The following SERGEF variants were observed in gnomAD, a reference collection of about 807,000 sequenced individuals.
SERGEF encodes secretion regulating guanine nucleotide exchange factor, also known as secretion-regulating guanine nucleotide exchange factor.
In SERGEF, 51 loss-of-function variants were observed where a neutral mutation model predicts 50.0. The observed-to-expected ratio is 1.02, with a 90% CI of 0.81 to 1.29. The LOEUF is 1.29. SERGEF is among the 50% of genes most tolerant of loss of function. SERGEF has a pLI of 0.00. For synonymous variants in SERGEF, 205 were observed against 212.4 expected (o/e 0.97, Z 0.30); for missense variants, 521 against 557.0 (o/e 0.94, Z 0.65).
At chr11:17,879,804 A>G (rs546538522) in intron 9 of SERGEF, among the ~76,000 whole-genome samples, 1 of 152,324 alleles carries the variant, frequency 6.6e-6, no homozygotes, top group East Asian at 1.9e-4. Flanking sequence ...CCATGCGTAT[A>G]TATTTCAAAA....
At chr11:17,857,028 G>A (rs970402917) in intron 10 of SERGEF, among the ~76,000 whole-genome samples, 3 of 152,170 alleles carry the variant, frequency 2.0e-5, no homozygotes, top group Non-Finnish European at 4.4e-5. Context: ...TAGGGAAATG[G>A]AGAATATAAT....
At chr11:17,947,797 AATT>A (rs1454394785) in intron 9 of SERGEF, among the ~76,000 whole-genome samples, 1 of 152,212 alleles carries the variant, frequency 6.6e-6, no homozygotes, top group East Asian at 1.9e-4. Flanking sequence ...AATAAGGATA[AATT>A]ATTATACTGC....
At chr11:18,001,708 G>A (rs192333979) in intron 4 of SERGEF, among the ~76,000 whole-genome samples, 1 of 152,300 alleles carries the variant, frequency 6.6e-6, no homozygotes, top group African/African-American at 2.4e-5. Flanking sequence ...AACTAATGAA[G>A]ATCTTTTCTT....
At chr11:17,995,742 G>T in intron 6 of SERGEF, 54 bp downstream of exon 6, 1 of 1,216,304 alleles carries the variant, frequency 8.2e-7, no homozygotes, top group Admixed American at 1.9e-5. Context: ...GCATGTTTAT[G>T]TCTCTACTTC....
intron 9 of SERGEF, among the ~76,000 whole-genome samples, chr11:17,903,155 T>A (rs907078636): frequency 2.6e-5 from 4 of 152,166 alleles, no homozygotes; most frequent in Admixed American, 1.3e-4. Flanking sequence ...GACCAGAAGA[T>A]TTCAGGAGGT....
chr11:17,865,982 G>T (rs568938880), intron 10 of SERGEF, among the ~76,000 whole-genome samples: 1 of 152,202 alleles, frequency 6.6e-6, no homozygotes, highest in African/African-American at 2.4e-5. Flanking sequence ...AGTAAATGCC[G>T]TATACAGATG....
intron 9 of SERGEF, among the ~76,000 whole-genome samples, chr11:17,947,568 C>A (rs979846967): frequency 2.6e-5 from 4 of 152,188 alleles, no homozygotes; most frequent in African/African-American, 9.7e-5. Flanking sequence ...GAAGAATGAG[C>A]TGTTACAGGC....
intron 9 of SERGEF, among the ~76,000 whole-genome samples, chr11:17,924,535 C>CT (rs1464817400): frequency 6.6e-6 from 1 of 152,028 alleles, no homozygotes; most frequent in Non-Finnish European, 1.5e-5. Context: ...CTGGAAGATA[C>CT]TGAAAAGCCA....
chr11:17,914,425 T>G (rs1852010945), intron 9 of SERGEF, among the ~76,000 whole-genome samples: 1 of 151,926 alleles, frequency 6.6e-6, no homozygotes, highest in Non-Finnish European at 1.5e-5. Context: ...TTTAATTTAT[T>G]TTATTTTTTT....
chr11:17,865,809 T>C (rs1397768259), intron 10 of SERGEF, among the ~76,000 whole-genome samples: 3 of 152,196 alleles, frequency 2.0e-5, no homozygotes, highest in African/African-American at 7.2e-5. Flanking sequence ...AGATTTTTTG[T>C]GTGTAATTCA....
rs765780717 is a variant in SERGEF at position 17,872,803 on chromosome 11, T to TA, written c.1048+5404dup. On this transcript the variant is annotated intron_variant, in intron 10 of 10. Transcript: ENST00000265965. ...GGAACTTTGGAATATTATGTAACTGTAAAAAAAGAACTAGGACAGCTTTTA... is the reference window on the plus strand; with the variant it reads ...GGAACTTTGGAATATTATGTAACTGTAAAAAAAAGAACTAGGACAGCTTTTA... Among the ~76,000 whole-genome samples the TA allele has an allele frequency of 3.3e-5, 5 of 152,116 alleles. No individual in the cohort carries two copies. In the South Asian group the frequency reaches 1.0e-3, roughly 32 times the overall value.
At chr11:17,949,878 T>C (rs1414460479) in intron 9 of SERGEF, among the ~76,000 whole-genome samples, 1 of 152,154 alleles carries the variant, frequency 6.6e-6, no homozygotes, top group Non-Finnish European at 1.5e-5. Flanking sequence ...AATACCAAGA[T>C]GATTATAAGA....
chr11:17,849,345 C>T (rs1051441225), intron 10 of SERGEF, among the ~76,000 whole-genome samples: 5 of 152,226 alleles, frequency 3.3e-5, no homozygotes, highest in African/African-American at 9.6e-5. Flanking sequence ...TGGGCACTTA[C>T]TATCAACAAG....
chr11:17,976,149 T>A (rs1400596516), intron 8 of SERGEF, among the ~76,000 whole-genome samples: 2 of 152,174 alleles, frequency 1.3e-5, no homozygotes, highest in African/African-American at 4.8e-5. Flanking sequence ...AGGGTTCTTT[T>A]GGCCACATTA....
intron 9 of SERGEF, among the ~76,000 whole-genome samples, chr11:17,949,191 T>TACCAGGCC (rs890568853): frequency 6.6e-6 from 1 of 152,106 alleles, no homozygotes; most frequent in African/African-American, 2.4e-5. Flanking sequence ...AAGAGGTGCC[T>TACCAGGCC]ACCAGGCAAG....
chr11:17,885,407 G>A (rs1031303909), intron 9 of SERGEF, among the ~76,000 whole-genome samples: 1 of 152,016 alleles, frequency 6.6e-6, no homozygotes, highest in Non-Finnish European at 1.5e-5. Flanking sequence ...CTATAACCTC[G>A]AATTCCTGGG....
At chr11:17,872,075 T>C (rs1851149472) in intron 10 of SERGEF, among the ~76,000 whole-genome samples, 1 of 152,178 alleles carries the variant, frequency 6.6e-6, no homozygotes, top group South Asian at 2.1e-4. Flanking sequence ...TACCAAGCAT[T>C]ACAAAATTAC....
At chr11:17,872,964 A>G (rs1257915090) in intron 10 of SERGEF, among the ~76,000 whole-genome samples, 1 of 152,192 alleles carries the variant, frequency 6.6e-6, no homozygotes, top group Non-Finnish European at 1.5e-5. Context: ...GTAAAAGGAC[A>G]CTAGAAGGAT....
chr11:17,904,978 A>T (rs537338), intron 9 of SERGEF, among the ~76,000 whole-genome samples: 83,153 of 152,112 alleles, frequency 0.55, 24,075 homozygotes, highest in African/African-American at 0.75. Context: ...GACATCTGAA[A>T]TATCAACTGT....
Sources: gnomAD v4.1 joint callset for allele counts (sites outside exome capture counted in the v4.1 genomes callset) on GRCh38, gnomAD v4.1.1 for gene constraint, MANE v1.5 for transcripts, NCBI Gene and HGNC (gene_info 2026-07-23, HGNC 2026-07-21) for gene names.